Variants in SLC23A2 observed in about 807,000 individuals in gnomAD.
The protein encoded by SLC23A2 is Na(+)/L-ascorbic acid transporter 2.
SLC23A2 carries 36 observed loss-of-function variants against 73.3 expected under a neutral mutation model. The ratio of observed to expected loss-of-function variants is 0.49; its 90% CI spans 0.38 to 0.65. SLC23A2 has a LOEUF of 0.65. Ranked by LOEUF, SLC23A2 falls within the 30% of genes least tolerant of loss-of-function variation. The pLI is 0.00. For synonymous variants in SLC23A2, 343 were observed against 327.3 expected (o/e 1.05, Z -0.52); for missense variants, 507 against 841.6 (o/e 0.60, Z 4.92).
At chr20:4,924,991 T>C (rs1932622797) in intron 3 of SLC23A2, among the ~76,000 whole-genome samples, 1 of 151,582 alleles carries the variant, frequency 6.6e-6, no homozygotes, top group Non-Finnish European at 1.5e-5. Flanking sequence ...TTGAGATCAG[T>C]GACATAGTTA....
At chr20:4,880,713 C>G (rs1420830731) in intron 9 of SLC23A2, among the ~76,000 whole-genome samples, 1 of 151,674 alleles carries the variant, frequency 6.6e-6, no homozygotes, top group African/African-American at 2.4e-5. Flanking sequence ...CTAGATAATT[C>G]AAGATCATGT....
chr20:4,878,275 C>T (rs529069978), intron 9 of SLC23A2, among the ~76,000 whole-genome samples: 9 of 152,262 alleles, frequency 5.9e-5, no homozygotes, highest in Middle Eastern at 6.8e-3. Context: ...CAACCTCCAC[C>T]TCGTGGGTTC....
Position 4,862,697 on chromosome 20 carries a change from T to A in SLC23A2, c.1486+81A>T. On this transcript the variant is annotated intron_variant, in intron 14 of 16. Transcript: ENST00000338244. The surrounding 1 kb of genome is among the most constrained non-coding windows in gnomAD (Gnocchi z 5.1). Reference sequence around the variant, plus strand: ...TAGAAATTTATCGTTACCTTCTTACTGAAGGGAGTCAGCAAAAACACCATG... The same window carrying A: ...TAGAAATTTATCGTTACCTTCTTACAGAAGGGAGTCAGCAAAAACACCATG... The A allele has an allele frequency of 7.8e-7, 1 of 1,277,176 alleles. No individual in the cohort carries two copies. The highest frequency in any genetic ancestry group is 1.1e-6 in the Non-Finnish European group (1 of 909,634). 79.1% of individuals were successfully genotyped at this position (1,277,176 alleles called of 1,614,324 possible).
intron 2 of SLC23A2, among the ~76,000 whole-genome samples, chr20:4,933,175 A>T (rs1932807809): frequency 6.6e-6 from 1 of 152,214 alleles, no homozygotes; most frequent in Non-Finnish European, 1.5e-5. Flanking sequence ...GAAATTTAAG[A>T]TACTTGTAGC....
intron 1 of SLC23A2, among the ~76,000 whole-genome samples, chr20:5,009,891 C>T (rs1018873651): frequency 6.6e-5 from 10 of 151,944 alleles, no homozygotes; most frequent in Non-Finnish European, 1.0e-4. Flanking sequence ...GTCAGGAGAT[C>T]GAGACCATCC....
chr20:4,866,889 T>C (rs34825834), intron 13 of SLC23A2, among the ~76,000 whole-genome samples: 7,479 of 152,032 alleles, frequency 0.049, 262 homozygotes, highest in Non-Finnish European at 0.06. Context: ...ACGTAGGCCA[T>C]CGAGGATGGT....
At chr20:4,906,368 G>A (rs541724600) in intron 4 of SLC23A2, among the ~76,000 whole-genome samples, 19 of 151,858 alleles carry the variant, frequency 1.3e-4, no homozygotes, top group Non-Finnish European at 2.2e-4. Context: ...GCTCACGTCT[G>A]TAATCCCAGC....
At chr20:4,923,242 AAGGGAGGGAGGCAGGGAGGG>A in intron 3 of SLC23A2, among the ~76,000 whole-genome samples, 2 of 128,448 alleles carry the variant, frequency 1.6e-5, no homozygotes, top group Non-Finnish European at 3.3e-5. Flanking sequence ...CCCCATCTTG[AAGGGAGGGAGGCAGGGAGGG>A]AGGGAGGGAG....
At chr20:4,972,902 A>C (rs7347969) in intron 1 of SLC23A2, among the ~76,000 whole-genome samples, 24 of 152,300 alleles carry the variant, frequency 1.6e-4, no homozygotes, top group African/African-American at 5.8e-4. Context: ...TGTTTATCAG[A>C]AATTTGCAAT....
At chr20:4,987,246 G>A (rs1235574221) in intron 1 of SLC23A2, among the ~76,000 whole-genome samples, 1 of 152,170 alleles carries the variant, frequency 6.6e-6, no homozygotes, top group Admixed American at 6.5e-5. Flanking sequence ...AAGAATAAAG[G>A]AAGAGGAACA....
intron 3 of SLC23A2, among the ~76,000 whole-genome samples, chr20:4,930,202 A>C (rs1932773072): frequency 6.6e-6 from 1 of 152,166 alleles, no homozygotes. Flanking sequence ...AGTGAGAGTG[A>C]ATCATCTCCT....
chr20:4,932,487 C>T lies in SLC23A2; in HGVS notation c.76G>A (p.Glu26Lys), dbSNP rs781758778. 86 of 1,606,784 alleles carry T rather than the reference C, an allele frequency of 5.4e-5. No individual in the cohort carries two copies. The highest frequency in any genetic ancestry group is 2.5e-4 in the East Asian group (11 of 44,854). ...GSSTEGKYED[E>K]AKHPAFFTLP... ...GTGAAGAAAGCTGGGTGCTTTGCCT[C>T]GTCTTCGTATTTGCCTTCTGTTGAA... Residue 26 changes from glutamate to lysine, a missense_variant, in exon 3 of 17, where the codon GAG (glutamate) becomes AAG (lysine). Physicochemically the swap from Glu to Lys is moderately conservative, Grantham distance 56. Coordinates refer to ENST00000338244, the MANE Select transcript of SLC23A2 (RefSeq NM_005116.6).
intron 1 of SLC23A2, among the ~76,000 whole-genome samples, chr20:4,999,497 C>T (rs1161232230): frequency 2.0e-5 from 3 of 151,906 alleles, no homozygotes; most frequent in Non-Finnish European, 4.4e-5. Flanking sequence ...CCTAGCAAAA[C>T]CATCTACATT....
chr20:4,961,841 G>A (rs183529089), intron 2 of SLC23A2, among the ~76,000 whole-genome samples: 135 of 152,254 alleles, frequency 8.9e-4, no homozygotes, highest in Middle Eastern at 3.4e-3. Flanking sequence ...CACAGGGAGC[G>A]AAAAGCAGTT....
At chr20:4,905,403 G>A (rs749108287) in intron 4 of SLC23A2, among the ~76,000 whole-genome samples, 1 of 152,122 alleles carries the variant, frequency 6.6e-6, no homozygotes, top group Non-Finnish European at 1.5e-5. Context: ...GCACTGTGGC[G>A]CCACACTCAG....
intron 1 of SLC23A2, among the ~76,000 whole-genome samples, chr20:4,973,467 T>TTGAC (rs2087596463): frequency 1.3e-5 from 2 of 151,952 alleles, no homozygotes; most frequent in Admixed American, 1.3e-4. Flanking sequence ...CTGGAAGGAC[T>TTGAC]TAACTACTGC....
rs917207031 is a variant in SLC23A2, at chr20:4,852,870, C to A, written c.*4102G>T. 2.6e-5 allele frequency: 4 copies of A among 152,584 alleles called. No individual in the cohort carries two copies. Among genetic ancestry groups the A allele is most frequent in the African/African-American group, 9.7e-5 (4 of 41,432 alleles). 9.5% of individuals were successfully genotyped at this position (152,584 alleles called of 1,614,324 possible). Reference sequence around the variant, plus strand: ...GATGCTGAAACACAGTCAACACCAACCAGAAAGGACGGGAATGTCTGTGAG... The same window carrying A: ...GATGCTGAAACACAGTCAACACCAAACAGAAAGGACGGGAATGTCTGTGAG... On this transcript the variant is annotated 3_prime_UTR_variant, in exon 17 of 17. Coordinates refer to ENST00000338244, the MANE Select transcript of SLC23A2 (RefSeq NM_005116.6). This position sits in a 1 kb window ranked among gnomAD's most constrained non-coding sequence, Gnocchi z 4.3.
chr20:4,899,833 G>T lies in SLC23A2; in HGVS notation c.325-121C>A. ...ATAGCCCACATAAAGAATCTCCTTG[G>T]TTTTTCGACCAAGCCATACTTTTTT... On this transcript the variant is annotated intron_variant, in intron 5 of 16. Coordinates refer to ENST00000338244, the MANE Select transcript of SLC23A2 (RefSeq NM_005116.6). The surrounding 1 kb of genome is among the most constrained non-coding windows in gnomAD (Gnocchi z 4.9). 7 of 1,005,402 alleles carry T rather than the reference G, an allele frequency of 7.0e-6. No individual in the cohort carries two copies. The highest frequency in any genetic ancestry group is 5.1e-5 in the East Asian group (2 of 38,930). The allele number at this position is 1,005,402 out of a possible 1,614,324, so 62.3% of individuals were successfully genotyped here.
rs1930994685 is a variant in SLC23A2, at chr20:4,883,956, T to C, written c.643-133A>G. The C allele has an allele frequency of 1.6e-6, 1 of 634,806 alleles. No homozygotes were observed. The highest frequency in any genetic ancestry group is 2.5e-6 in the Non-Finnish European group (1 of 396,822). The allele number at this position is 634,806 out of a possible 1,614,324, so 39.3% of individuals were successfully genotyped here. On this transcript the variant is annotated intron_variant, in intron 8 of 16. Transcript: ENST00000338244. This position sits in a 1 kb window ranked among gnomAD's most constrained non-coding sequence, Gnocchi z 4.5. ...CATCATCTAACTTGGGAGAGATAGC[T>C]AGAAAATTCCCCAGGACCCGACAAG... is the stretch of plus-strand genomic sequence containing the variant.
Sources: allele counts gnomAD v4.1 joint callset (sites outside exome capture counted in the v4.1 genomes callset), GRCh38; gene constraint gnomAD v4.1.1; non-coding constraint Gnocchi (gnomAD v3.1); transcripts MANE v1.5; gene names NCBI Gene and HGNC (gene_info 2026-07-23, HGNC 2026-07-21).